Variants in TBC1D19 observed in about 807,000 individuals in gnomAD.
TBC1D19 encodes TBC1 domain family member 19.
Under a neutral mutation model 89.0 loss-of-function variants are expected in TBC1D19, and 60 were observed. The ratio of observed to expected loss-of-function variants is 0.67; its 90% CI spans 0.55 to 0.84. TBC1D19 has a LOEUF of 0.84. Among genes scored for constraint, TBC1D19 ranks in the 40% least tolerant of loss-of-function variants. TBC1D19 has a pLI of 0.00. For synonymous variants in TBC1D19, 189 were observed against 199.7 expected, an observed-to-expected ratio of 0.95 and a Z score of 0.45; for missense variants, 500 against 610.8, an observed-to-expected ratio of 0.82 and a Z score of 1.91.
chr4:26,732,996 GT>G (rs1717759757), intron 15 of TBC1D19, among the ~76,000 whole-genome samples: 1 of 152,136 alleles, frequency 6.6e-6, no homozygotes, highest in African/African-American at 2.4e-5. Flanking sequence ...AAAGAATGGG[GT>G]GGCTAATCAT....
At chr4:26,851,391 T>C in the TBC1D19 span, among the ~76,000 whole-genome samples, 1 of 151,006 alleles carries the variant, frequency 6.6e-6, no homozygotes, top group African/African-American at 2.5e-5. Flanking sequence ...TGGTTCTATC[T>C]CTGTGGAGAA....
At chr4:26,594,452 A>AT (rs1277079640) in intron 1 of TBC1D19, among the ~76,000 whole-genome samples, 2 of 151,910 alleles carry the variant, frequency 1.3e-5, no homozygotes, top group African/African-American at 4.8e-5. Flanking sequence ...TAAAAAAAAA[A>AT]TTAACTGCCT....
chr4:26,637,386 A>T, intron 5 of TBC1D19, 101 bp downstream of exon 5: 2 of 1,011,166 alleles, frequency 2.0e-6, no homozygotes, highest in Non-Finnish European at 2.9e-6. Flanking sequence ...TTATTTATTT[A>T]TTTAGAGACA....
chr4:26,612,955 C>T (rs1560417511), intron 1 of TBC1D19, among the ~76,000 whole-genome samples: 5 of 152,104 alleles, frequency 3.3e-5, no homozygotes, highest in Admixed American at 3.3e-4. Flanking sequence ...TATACTATCA[C>T]AGATCCTTTA....
the TBC1D19 span, among the ~76,000 whole-genome samples, chr4:26,770,826 C>T: frequency 6.6e-6 from 1 of 152,158 alleles, no homozygotes; most frequent in South Asian, 2.1e-4. Flanking sequence ...CTGGAAAAAT[C>T]TTGAACTATT....
In TBC1D19 at chr4:26,712,157, T is replaced by C. The variant is rs2109246741; in HGVS notation, c.955-5776T>C. 2.6e-5 allele frequency among the ~76,000 whole-genome samples: 4 copies of C among 152,232 alleles called. No individual in the cohort carries two copies. In the Middle Eastern group the frequency reaches 0.01, roughly 388 times the overall value. ...GTAGAAAGTTGTTTGTAAGTATATT[T>C]TCTTGTTGTATTATTTTACCCTAAT... is the stretch of plus-strand genomic sequence containing the variant. On this transcript the variant is annotated intron_variant, in intron 13 of 20. Transcript: ENST00000264866.
At chr4:26,592,303 ACT>A (rs1457668919) in intron 1 of TBC1D19, among the ~76,000 whole-genome samples, 1 of 152,044 alleles carries the variant, frequency 6.6e-6, no homozygotes, top group Non-Finnish European at 1.5e-5. Context: ...CATGCTAAAA[ACT>A]CTCAATAAAT....
chr4:26,640,110 G>T (rs1743398361), intron 6 of TBC1D19, 31 bp from the exon 7 acceptor site: 1 of 1,488,046 alleles, frequency 6.7e-7, no homozygotes, highest in Non-Finnish European at 9.3e-7. Context: ...ATTATTAGCT[G>T]AAATTTTGTT....
chr4:26,623,142 T>C (rs936379680), intron 4 of TBC1D19, among the ~76,000 whole-genome samples: 5 of 152,202 alleles, frequency 3.3e-5, no homozygotes, highest in Non-Finnish European at 4.4e-5. Flanking sequence ...ATGACTTGTA[T>C]TGCATCATGT....
intron 7 of TBC1D19, among the ~76,000 whole-genome samples, chr4:26,657,662 C>T (rs1279819615): frequency 6.6e-6 from 1 of 152,218 alleles, no homozygotes; most frequent in Non-Finnish European, 1.5e-5. Context: ...AATCGCCACA[C>T]TGTCTTCCAC....
the TBC1D19 span, among the ~76,000 whole-genome samples, chr4:26,814,569 G>A: frequency 6.6e-6 from 1 of 152,184 alleles, no homozygotes; most frequent in Non-Finnish European, 1.5e-5. Flanking sequence ...TGCCTTCTGT[G>A]AGTGCCTTGG....
At chr4:26,849,670 A>G in the TBC1D19 span, among the ~76,000 whole-genome samples, 1,088 of 152,334 alleles carry the variant, frequency 7.1e-3, 16 homozygotes, top group African/African-American at 0.025. Context: ...CTTGATACAT[A>G]TATGATGAAA....
At chr4:26,782,544 A>G in the TBC1D19 span, among the ~76,000 whole-genome samples, 5 of 152,182 alleles carry the variant, frequency 3.3e-5, no homozygotes, top group African/African-American at 1.2e-4. Context: ...AATTATATGT[A>G]GTTTTGCATC....
At chr4:26,834,927 C>T in the TBC1D19 span, among the ~76,000 whole-genome samples, 2 of 152,180 alleles carry the variant, frequency 1.3e-5, no homozygotes, top group Non-Finnish European at 2.9e-5. Context: ...CCTGGATGTG[C>T]CATATTCACA....
At chr4:26,641,458 C>T (rs1435459985) in intron 7 of TBC1D19, among the ~76,000 whole-genome samples, 2 of 152,228 alleles carry the variant, frequency 1.3e-5, no homozygotes, top group African/African-American at 4.8e-5. Flanking sequence ...GATAAAACCA[C>T]AAACATGGGG....
intron 7 of TBC1D19, among the ~76,000 whole-genome samples, chr4:26,641,830 T>G (rs1237397758): frequency 6.6e-6 from 1 of 152,140 alleles, no homozygotes; most frequent in Non-Finnish European, 1.5e-5. Context: ...AGGGTATCAG[T>G]GATTGAAGAT....
At chr4:26,783,220 G>C in the TBC1D19 span, among the ~76,000 whole-genome samples, 1 of 152,178 alleles carries the variant, frequency 6.6e-6, no homozygotes, top group African/African-American at 2.4e-5. Context: ...TTTGAAGAAA[G>C]GTTCTGGTCC....
At chr4:26,640,084 T>G in intron 6 of TBC1D19, 57 bp from the exon 7 acceptor site, 1 of 1,181,928 alleles carries the variant, frequency 8.5e-7, no homozygotes, top group African/African-American at 1.5e-5. Flanking sequence ...AACATTTATT[T>G]AATAAGCCTT....
At chr4:26,730,524 C>G (rs976627928) in intron 15 of TBC1D19, among the ~76,000 whole-genome samples, 1 of 152,170 alleles carries the variant, frequency 6.6e-6, no homozygotes, top group African/African-American at 2.4e-5. Context: ...TAGAGGCCCA[C>G]CTACCATAAG....
Sources: gnomAD v4.1 joint callset for allele counts (sites outside exome capture counted in the v4.1 genomes callset) on GRCh38, gnomAD v4.1.1 for gene constraint, MANE v1.5 for transcripts, NCBI Gene and HGNC (gene_info 2026-07-23, HGNC 2026-07-21) for gene names.